The following NEK11 variants were observed in gnomAD, a reference collection of about 807,000 sequenced individuals.
NEK11 encodes the protein NIMA related kinase 11, also known as serine/threonine-protein kinase Nek11.
A neutral mutation model predicts 80.7 loss-of-function variants in NEK11; 72 were observed. That is an observed-to-expected ratio of 0.89 (90% confidence interval 0.74 to 1.08). The LOEUF is 1.08. Ranked by LOEUF, NEK11 falls within the 50% of genes least tolerant of loss-of-function variation. The pLI is 0.00. For synonymous variants in NEK11, 251 were observed against 260.7 expected, an observed-to-expected ratio of 0.96 and a Z score of 0.36; for missense variants, 764 against 763.6, an observed-to-expected ratio of 1.00 and a Z score of -0.01.
intron 13 of NEK11, 139 bp from the exon 14 acceptor site, chr3:131,170,634 G>A: frequency 1.6e-6 from 1 of 621,182 alleles, no homozygotes; most frequent in Non-Finnish European, 2.9e-6. Flanking sequence ...CTTACCTCCT[G>A]AAGTTTGAAA....
chr3:131,253,238 C>T (rs1288763507), intron 16 of NEK11, among the ~76,000 whole-genome samples: 1 of 152,092 alleles, frequency 6.6e-6, no homozygotes, highest in South Asian at 2.1e-4. Context: ...CTACTAGGTG[C>T]TTTTCTCATA....
At chr3:131,106,181 T>A (rs1421645394) in intron 4 of NEK11, among the ~76,000 whole-genome samples, 1 of 152,134 alleles carries the variant, frequency 6.6e-6, no homozygotes, top group Non-Finnish European at 1.5e-5. Context: ...TAATACATTT[T>A]TTTCAATGTG....
Position 131,152,457 on chromosome 3 carries a change from C to G in NEK11, c.717C>G (p.Ser239=). Residue 239 remains serine (S), a synonymous_variant, in exon 8 of 18, where the codon TCC becomes TCG. Coordinates refer to ENST00000383366, the MANE Select transcript of NEK11 (RefSeq NM_024800.5). ...CATTCGCTGGCTCCAATTTCTTATCCATTGTTTTAAAAATTGTTGAAGGTG... is the reference window on the plus strand; with the variant it reads ...CATTCGCTGGCTCCAATTTCTTATCGATTGTTTTAAAAATTGTTGAAGGTG... ...NHAFAGSNFL[S]IVLKIVEGDT... is the part of the protein sequence containing the mutation. 1 of 1,613,778 alleles carries G rather than the reference C, an allele frequency of 6.2e-7. No homozygotes were observed. The highest frequency in any genetic ancestry group is 8.5e-7 in the Non-Finnish European group (1 of 1,179,774).
chr3:131,056,180 G>A (rs921434755), intron 3 of NEK11, among the ~76,000 whole-genome samples: 17 of 152,178 alleles, frequency 1.1e-4, no homozygotes, highest in African/African-American at 4.1e-4. Context: ...GGTTCTGTCT[G>A]TCTCTGCCTC....
At chr3:131,161,229 T>C (rs926397508) in intron 10 of NEK11, among the ~76,000 whole-genome samples, 4 of 151,740 alleles carry the variant, frequency 2.6e-5, no homozygotes, top group Non-Finnish European at 4.4e-5. Flanking sequence ...TCATACACCA[T>C]TGGTGGAAGT....
In NEK11 at chr3:131,184,126, T is replaced by C. The variant is rs1025886452; in HGVS notation, c.1399+13239T>C. On this transcript the variant is annotated intron_variant, in intron 14 of 17. Coordinates refer to ENST00000383366, the MANE Select transcript of NEK11 (RefSeq NM_024800.5). ...TCAAAATTCCATCCAGCAGGCATCA[T>C]GGTAAAAACATGTATTTTCCATTAT... is the stretch of plus-strand genomic sequence containing the variant. Among the ~76,000 whole-genome samples the C allele has an allele frequency of 1.3e-5, 2 of 152,210 alleles. 1 individual carries two copies. The highest frequency in any genetic ancestry group is 4.8e-5 in the African/African-American group (2 of 41,452).
rs769711171 is a variant in NEK11 at position 131,170,758 on chromosome 3, A to G, written c.1285-15A>G. 32 of 1,522,400 alleles carry G rather than the reference A, an allele frequency of 2.1e-5. No individual in the cohort carries two copies. Among genetic ancestry groups the G allele is most frequent in the Non-Finnish European group, 2.7e-5 (30 of 1,096,460 alleles). The allele number at this position is 1,522,400 out of a possible 1,614,324, so 94.3% of individuals were successfully genotyped here. A position where few individuals can be genotyped will look rare whatever the true frequency, so the allele number is the denominator to read the frequency against. ...TCTATCAGCATCTCATGAATTGTTA[A>G]TTACCTTCCACAAGGAATCTGATGA... On this transcript the variant is annotated splice_polypyrimidine_tract_variant and intron_variant, in intron 13 of 17. Transcript: ENST00000383366.
At chr3:131,094,404 G>A (rs565042257) in intron 4 of NEK11, among the ~76,000 whole-genome samples, 53 of 152,148 alleles carry the variant, frequency 3.5e-4, no homozygotes, top group Admixed American at 2.4e-3. Context: ...TACACCTTCC[G>A]GTAACTATTT....
At chr3:131,229,560 A>T (rs1437786986) in intron 15 of NEK11, among the ~76,000 whole-genome samples, 1 of 151,964 alleles carries the variant, frequency 6.6e-6, no homozygotes, top group East Asian at 1.9e-4. Context: ...AAGATGATTC[A>T]CTCCAAAAAT....
At chr3:131,159,131 A>C (rs956719884) in intron 10 of NEK11, among the ~76,000 whole-genome samples, 4 of 152,232 alleles carry the variant, frequency 2.6e-5, no homozygotes, top group Non-Finnish European at 5.9e-5. Flanking sequence ...AGGAAAAAAC[A>C]TCCAAAGGAT....
chr3:131,196,521 G>T (rs1191058736), intron 14 of NEK11, among the ~76,000 whole-genome samples: 1 of 151,676 alleles, frequency 6.6e-6, no homozygotes, highest in Non-Finnish European at 1.5e-5. Context: ...TTAAAAATGC[G>T]AAATTTCTTT....
At chr3:131,340,406 TTAGA>T (rs2097266227) in intron 17 of NEK11, among the ~76,000 whole-genome samples, 1 of 152,322 alleles carries the variant, frequency 6.6e-6, no homozygotes, top group African/African-American at 2.4e-5. Flanking sequence ...AGAGCCCTTA[TTAGA>T]TAGAGATAAA....
intron 9 of NEK11, among the ~76,000 whole-genome samples, chr3:131,153,964 G>C (rs1028784164): frequency 6.6e-6 from 1 of 152,212 alleles, no homozygotes; most frequent in Non-Finnish European, 1.5e-5. Context: ...GAAGCAACCA[G>C]CCATGTAAAG....
At chr3:131,336,111 A>G (rs2097179171) in intron 17 of NEK11, among the ~76,000 whole-genome samples, 2 of 152,238 alleles carry the variant, frequency 1.3e-5, no homozygotes, top group South Asian at 4.1e-4. Context: ...AGAATTGGAA[A>G]AAACTACTTT....
intron 4 of NEK11, 66 bp downstream of exon 4, chr3:131,080,654 A>G (rs2075117447): frequency 7.2e-7 from 1 of 1,395,486 alleles, no homozygotes; most frequent in South Asian, 1.4e-5. Flanking sequence ...AGCCTTCTGT[A>G]AAGAGATCTT....
chr3:131,231,730 C>G (rs77998519), intron 15 of NEK11, among the ~76,000 whole-genome samples: 3 of 151,882 alleles, frequency 2.0e-5, no homozygotes, highest in African/African-American at 2.4e-5. Flanking sequence ...CTACAGAACT[C>G]AGTCATGGTC....
At chr3:131,264,405 G>A (rs1468145748) in intron 16 of NEK11, among the ~76,000 whole-genome samples, 1 of 152,118 alleles carries the variant, frequency 6.6e-6, no homozygotes, top group Non-Finnish European at 1.5e-5. Flanking sequence ...TGTAAGGAAG[G>A]GATCCAGTTT....
chr3:131,156,469 C>A (rs960564795), intron 10 of NEK11, among the ~76,000 whole-genome samples: 1 of 152,158 alleles, frequency 6.6e-6, no homozygotes, highest in Non-Finnish European at 1.5e-5. Flanking sequence ...TGTGCCTTCC[C>A]TCTGAAGACT....
At chr3:131,306,224 G>A (rs1337281866) in intron 17 of NEK11, among the ~76,000 whole-genome samples, 1 of 151,964 alleles carries the variant, frequency 6.6e-6, no homozygotes, top group Non-Finnish European at 1.5e-5. Flanking sequence ...GTCTTGTTCT[G>A]GTACTTTGTC....
Sources: gnomAD v4.1 joint callset for allele counts (sites outside exome capture counted in the v4.1 genomes callset) on GRCh38, gnomAD v4.1.1 for gene constraint, MANE v1.5 for transcripts, NCBI Gene and HGNC (gene_info 2026-07-23, HGNC 2026-07-21) for gene names.